Variants in NRXN1 observed in about 807,000 individuals in gnomAD.
NRXN1 encodes the protein neurexin 1.
A neutral mutation model predicts 150.9 loss-of-function variants in NRXN1; 39 were observed. That is an observed-to-expected ratio of 0.26 (90% CI 0.20 to 0.34). The LOEUF (loss-of-function observed/expected upper bound fraction) is 0.34, where lower values mean the gene tolerates loss of function less well. Among genes scored for constraint, NRXN1 ranks in the 10% least tolerant of loss-of-function variants. The probability of loss-of-function intolerance (pLI) is 1.00; values close to 1 mark genes in which losing one functional copy is unlikely to be tolerated. For missense variants in NRXN1, 1,815 were observed against 1,949.9 expected, an observed-to-expected ratio of 0.93 and a Z score of 1.30; for synonymous variants, 924 against 757.0, an observed-to-expected ratio of 1.22 and a Z score of -3.62.
chr2:50,983,947 A>AT (rs1037932623), intron 2 of NRXN1, among the ~76,000 whole-genome samples: 1 of 151,478 alleles, frequency 6.6e-6, no homozygotes, highest in African/African-American at 2.4e-5. Flanking sequence ...CATTCAAAGC[A>AT]TTTTTTTATT....
At chr2:51,003,989 C>A (rs1363270173) in intron 2 of NRXN1, among the ~76,000 whole-genome samples, 1 of 151,736 alleles carries the variant, frequency 6.6e-6, no homozygotes, top group African/African-American at 2.4e-5. Context: ...TCCCAGAATG[C>A]CTTCGCTCTT....
chr2:50,736,752 T>G (rs1698806309), intron 5 of NRXN1, among the ~76,000 whole-genome samples: 1 of 152,120 alleles, frequency 6.6e-6, no homozygotes, highest in African/African-American at 2.4e-5. Flanking sequence ...TTTGTTAAAC[T>G]TTTTCTTTAT....
chr2:50,174,929 G>A (rs1470592738), intron 18 of NRXN1: 1 of 152,176 alleles, frequency 6.6e-6, no homozygotes, highest in Non-Finnish European at 1.5e-5. Flanking sequence ...CTCAAGCGTA[G>A]CATGCTATCA....
intron 17 of NRXN1, among the ~76,000 whole-genome samples, chr2:50,339,511 T>TTCTA (rs1347508840): frequency 6.6e-6 from 1 of 152,168 alleles, no homozygotes; most frequent in Non-Finnish European, 1.5e-5. Flanking sequence ...AGAAACACCT[T>TTCTA]TCTATACTGC....
intron 19 of NRXN1, among the ~76,000 whole-genome samples, chr2:50,086,656 T>C (rs1698809074): frequency 6.6e-6 from 1 of 152,172 alleles, no homozygotes. Context: ...CCAATCAGAC[T>C]AATCTGTTGG....
chr2:50,015,248 G>A (rs992883077), intron 21 of NRXN1, among the ~76,000 whole-genome samples: 1 of 151,980 alleles, frequency 6.6e-6, no homozygotes, highest in Non-Finnish European at 1.5e-5. Context: ...GGGGACACTT[G>A]CTGCACACTT....
chr2:50,236,407 T>G (rs1022569559), intron 18 of NRXN1, among the ~76,000 whole-genome samples: 3 of 152,008 alleles, frequency 2.0e-5, no homozygotes, highest in Non-Finnish European at 4.4e-5. Context: ...AGAATCCAGA[T>G]CTTTGGATGT....
chr2:50,309,874 T>C (rs1353830996), intron 17 of NRXN1, among the ~76,000 whole-genome samples: 1 of 152,206 alleles, frequency 6.6e-6, no homozygotes, highest in Non-Finnish European at 1.5e-5. Flanking sequence ...ACAATCTTTC[T>C]TCTTCCAAAG....
At chr2:50,515,124 A>T (rs1236085572) in intron 12 of NRXN1, among the ~76,000 whole-genome samples, 3 of 152,132 alleles carry the variant, frequency 2.0e-5, no homozygotes, top group African/African-American at 7.2e-5. Context: ...TCTGAGCTCC[A>T]CCTCATGTCA....
chr2:50,455,082 C>A (rs1433169502), intron 17 of NRXN1, among the ~76,000 whole-genome samples: 1 of 152,088 alleles, frequency 6.6e-6, no homozygotes, highest in Non-Finnish European at 1.5e-5. Context: ...TTCTCTGAAT[C>A]AAAGAGTTGA....
chr2:50,827,800 G>A (rs1254283231), intron 5 of NRXN1, among the ~76,000 whole-genome samples: 1 of 150,476 alleles, frequency 6.6e-6, no homozygotes, highest in African/African-American at 2.4e-5. Flanking sequence ...AGGGAGTGGT[G>A]ATGACTCTTA....
chr2:50,326,395 A>C (rs928045193), intron 17 of NRXN1, among the ~76,000 whole-genome samples: 8 of 152,210 alleles, frequency 5.3e-5, no homozygotes, highest in African/African-American at 1.9e-4. Context: ...AGACAGCAAA[A>C]GACTTAGCCC....
chr2:50,987,445 G>C (rs569528708), intron 2 of NRXN1, among the ~76,000 whole-genome samples: 6 of 151,892 alleles, frequency 4.0e-5, no homozygotes, highest in East Asian at 3.9e-4. Flanking sequence ...TTCTGGAATT[G>C]GAATTTGTGG....
chr2:50,419,169 T>C (rs543066760), intron 17 of NRXN1, among the ~76,000 whole-genome samples: 7 of 152,094 alleles, frequency 4.6e-5, no homozygotes, highest in Non-Finnish European at 1.0e-4. Context: ...GTTTGATACA[T>C]AGGTGTAAAA....
chr2:50,698,937 C>G (rs949883533), intron 5 of NRXN1, among the ~76,000 whole-genome samples: 1 of 152,106 alleles, frequency 6.6e-6, no homozygotes, highest in East Asian at 1.9e-4. Flanking sequence ...AGCTCTACCA[C>G]AAAAAGTTCT....
chr2:50,647,797 G>A (rs867705328), intron 5 of NRXN1, among the ~76,000 whole-genome samples: 42 of 151,786 alleles, frequency 2.8e-4, no homozygotes, highest in African/African-American at 9.9e-4. Context: ...ACATTAGGAT[G>A]GAAAATTTGT....
chr2:50,862,202 C>CA (rs370954338), intron 5 of NRXN1, among the ~76,000 whole-genome samples: 11,414 of 76,048 alleles, frequency 0.15, 598 homozygotes, highest in Middle Eastern at 0.26. Flanking sequence ...GATTCCATCT[C>CA]AAAAAAAAAA....
At chr2:50,978,955 T>C (rs1021637670) in intron 2 of NRXN1, among the ~76,000 whole-genome samples, 78 of 152,086 alleles carry the variant, frequency 5.1e-4, no homozygotes, top group African/African-American at 1.7e-3. Context: ...ATAAACTTCA[T>C]AGGATGCTGT....
rs574972386 is a variant in NRXN1 at position 50,445,512 on chromosome 2, C to T, written c.3364+19930G>A. On this transcript the variant is annotated intron_variant, in intron 17 of 22. Coordinates refer to ENST00000401669, the MANE Select transcript of NRXN1 (RefSeq NM_001330078.2). ...TCTGAGCTCTGAAAAATCTGAGATCCGCCTTTATTATCCTCCCAATTTGTG... is the reference window on the plus strand; with the variant it reads ...TCTGAGCTCTGAAAAATCTGAGATCTGCCTTTATTATCCTCCCAATTTGTG... 1.4e-4 allele frequency among the ~76,000 whole-genome samples: 21 copies of T among 152,180 alleles called. No homozygotes were observed. In the East Asian group the frequency reaches 3.7e-3, roughly 27 times the overall value.
Sources: allele counts gnomAD v4.1 joint callset (sites outside exome capture counted in the v4.1 genomes callset), GRCh38; gene constraint gnomAD v4.1.1; transcripts MANE v1.5; gene names NCBI Gene and HGNC (gene_info 2026-07-23, HGNC 2026-07-21).